Variants in SLC22A23 observed in about 807,000 individuals in gnomAD.
SLC22A23 encodes the protein ion transporter protein.
Under a neutral mutation model 61.0 loss-of-function variants are expected in SLC22A23, and 26 were observed. The observed-to-expected ratio is 0.43, with a 90% CI of 0.31 to 0.59. The LOEUF is 0.59. Ranked by LOEUF, SLC22A23 falls within the 20% of genes least tolerant of loss-of-function variation. The probability of loss-of-function intolerance (pLI) is 0.11; values close to 1 mark genes in which losing one functional copy is unlikely to be tolerated. For synonymous variants in SLC22A23, 430 were observed against 413.9 expected, an observed-to-expected ratio of 1.04 and a Z score of -0.47; for missense variants, 796 against 934.7, an observed-to-expected ratio of 0.85 and a Z score of 1.94.
At chr6:3,404,393 A>T (rs1233732220) in intron 3 of SLC22A23, among the ~76,000 whole-genome samples, 2 of 152,182 alleles carry the variant, frequency 1.3e-5, no homozygotes, top group Non-Finnish European at 2.9e-5. Flanking sequence ...TCCATTTTTA[A>T]TATGCAGGTG....
intron 1 of SLC22A23, 47 bp downstream of exon 1, chr6:3,455,859 G>C (rs945141787): frequency 1.4e-6 from 2 of 1,456,818 alleles, no homozygotes; most frequent in African/African-American, 2.8e-5. Context: ...CTTGGACCTC[G>C]GTCTGCAGGG....
At chr6:3,300,009 T>C (rs1761473521) in intron 4 of SLC22A23, among the ~76,000 whole-genome samples, 1 of 127,882 alleles carries the variant, frequency 7.8e-6, no homozygotes, top group African/African-American at 3.3e-5. Flanking sequence ...TTTTTTTTTT[T>C]TTTTTTTTTT....
In SLC22A23 at chr6:3,283,925, C is replaced by T; in HGVS notation, c.1630G>A (p.Gly544Ser). ...DKFSIAFSIV[G>S]MFASHAVGSL... is the part of the protein sequence containing the mutation. ...CCCACCGCATGGGAGGCAAACATGC[C>T]CACGATGGAAAACGCGATGGAAAAT... Residue 544 changes from glycine (G) to serine (S), a missense_variant, in exon 9 of 10, where the codon GGC becomes AGC. By Grantham distance (56) the Gly-to-Ser change is moderately conservative. Transcript: ENST00000406686. 1 of 1,609,778 alleles carries T rather than the reference C, an allele frequency of 6.2e-7. No homozygotes were observed. Among genetic ancestry groups the T allele is most frequent in the Non-Finnish European group, 8.5e-7 (1 of 1,176,400 alleles).
intron 3 of SLC22A23, among the ~76,000 whole-genome samples, chr6:3,404,014 T>C (rs1403080587): frequency 1.3e-5 from 2 of 152,136 alleles, no homozygotes; most frequent in East Asian, 1.9e-4. Flanking sequence ...GTTCCCCTTT[T>C]AGAGTAGTGA....
At chr6:3,337,196 G>A (rs181908902) in intron 3 of SLC22A23, among the ~76,000 whole-genome samples, 1 of 152,360 alleles carries the variant, frequency 6.6e-6, no homozygotes, top group Non-Finnish European at 1.5e-5. Flanking sequence ...CACAAATGCA[G>A]AGTTCCTCAG....
At chr6:3,444,675 T>A (rs1426001430) in intron 1 of SLC22A23, 3 of 566,336 alleles carry the variant, frequency 5.3e-6, no homozygotes. Context: ...GGCTTTCTGA[T>A]CCCGGCCTCT....
At position 3,329,902 on chromosome 6, in the gene SLC22A23, C is replaced by T. The variant is rs893530292; in HGVS notation, c.914-5900G>A. 2.6e-5 allele frequency among the ~76,000 whole-genome samples: 4 copies of T among 152,212 alleles called. No homozygotes were observed. Among genetic ancestry groups the T allele is most frequent in the African/African-American group, 2.4e-5 (1 of 41,456 alleles). ...GTGAGACGGGCTCAGGAAAGGACAGCGTCTGCCCACACTGCTCAGGCTCCT... is the reference window on the plus strand; with the variant it reads ...GTGAGACGGGCTCAGGAAAGGACAGTGTCTGCCCACACTGCTCAGGCTCCT... On this transcript the variant is annotated intron_variant, in intron 3 of 9. Transcript: ENST00000406686. The surrounding 1 kb of genome is among the most constrained non-coding windows in gnomAD (Gnocchi z 4.8).
chr6:3,412,084 G>A (rs1769296979), intron 2 of SLC22A23, among the ~76,000 whole-genome samples: 1 of 152,208 alleles, frequency 6.6e-6, no homozygotes, highest in African/African-American at 2.4e-5. Context: ...GATGGGCACA[G>A]ATGCAACGCC....
chr6:3,418,030 A>G (rs901603932), intron 1 of SLC22A23, among the ~76,000 whole-genome samples: 1 of 152,262 alleles, frequency 6.6e-6, no homozygotes, highest in East Asian at 1.9e-4. Context: ...AACGTGAGTG[A>G]CAGCTTCATA....
chr6:3,275,338 C>A (rs1301773350), intron 9 of SLC22A23, among the ~76,000 whole-genome samples: 1 of 152,166 alleles, frequency 6.6e-6, no homozygotes, highest in African/African-American at 2.4e-5. Flanking sequence ...AATCTAAGTG[C>A]TTAACTTAGC....
intron 1 of SLC22A23, among the ~76,000 whole-genome samples, chr6:3,448,246 G>A (rs1005528727): frequency 5.9e-5 from 9 of 151,972 alleles, no homozygotes; most frequent in African/African-American, 1.9e-4. Context: ...TCATTAGTGT[G>A]ATAAATGTTT....
chr6:3,323,302 G>A (rs1303813574), intron 4 of SLC22A23: 2 of 456,532 alleles, frequency 4.4e-6, no homozygotes, highest in East Asian at 1.4e-4. Context: ...TAGCCAGAAA[G>A]CAGCCACAGG....
At position 3,322,145 on chromosome 6, in the gene SLC22A23, G is replaced by C. The variant is rs796249009; in HGVS notation, c.1082+1689C>G. Among the ~76,000 whole-genome samples the C allele has an allele frequency of 2.0e-5, 3 of 152,170 alleles. No homozygotes were observed. The highest frequency in any genetic ancestry group is 4.1e-4 in the South Asian group (2 of 4,832). On this transcript the variant is annotated intron_variant, in intron 4 of 9. Coordinates refer to ENST00000406686, the MANE Select transcript of SLC22A23 (RefSeq NM_015482.2). The surrounding 1 kb of genome is among the most constrained non-coding windows in gnomAD (Gnocchi z 4.1). ...GCTTCAGGTCCAGGCTCTGACGTGA[G>C]TCAGCGGGGGTCAGGGGACCGCGGT...
chr6:3,274,120 C>T (rs574975806), intron 9 of SLC22A23, among the ~76,000 whole-genome samples: 3 of 152,328 alleles, frequency 2.0e-5, no homozygotes, highest in Non-Finnish European at 4.4e-5. Flanking sequence ...CATTGATTTC[C>T]ACTCCCTGCC....
intron 9 of SLC22A23, among the ~76,000 whole-genome samples, chr6:3,279,010 G>A (rs796591744): frequency 2.0e-5 from 3 of 152,284 alleles, no homozygotes; most frequent in African/African-American, 7.2e-5. Context: ...CAAAAGCCTT[G>A]CATTGTGCCT....
chr6:3,287,804 C>T (rs1370784581), intron 6 of SLC22A23, among the ~76,000 whole-genome samples: 1 of 152,070 alleles, frequency 6.6e-6, no homozygotes, highest in Non-Finnish European at 1.5e-5. Context: ...CTGCTTCAGC[C>T]TCCCAAGTAG....
At chr6:3,292,805 G>A (rs77890030) in intron 5 of SLC22A23, among the ~76,000 whole-genome samples, 4,488 of 152,342 alleles carry the variant, frequency 0.029, 134 homozygotes, top group African/African-American at 0.078. Flanking sequence ...AGGATGAAGC[G>A]CTGCCTTGAG....
chr6:3,420,753 A>C (rs1341643401), intron 1 of SLC22A23, among the ~76,000 whole-genome samples: 1 of 152,254 alleles, frequency 6.6e-6, no homozygotes. Flanking sequence ...TTAAGCGCCC[A>C]CATGATTAAC....
chr6:3,304,333 C>A lies in SLC22A23; in HGVS notation c.1083-6115G>T, dbSNP rs1441949834. On this transcript the variant is annotated intron_variant, in intron 4 of 9. Transcript: ENST00000406686. This position sits in a 1 kb window ranked among gnomAD's most constrained non-coding sequence, Gnocchi z 4.3. Reference sequence around the variant, plus strand: ...ACTTTGGATACCTAAAAACTGACAACAACCAATAAATGTCTTTATGAGAAG... The same window carrying A: ...ACTTTGGATACCTAAAAACTGACAAAAACCAATAAATGTCTTTATGAGAAG... Among the ~76,000 whole-genome samples the A allele has an allele frequency of 1.3e-5, 2 of 152,216 alleles. No individual in the cohort carries two copies. Among genetic ancestry groups the A allele is most frequent in the Non-Finnish European group, 2.9e-5 (2 of 68,030 alleles).
Sources: allele counts gnomAD v4.1 joint callset (sites outside exome capture counted in the v4.1 genomes callset), GRCh38; gene constraint gnomAD v4.1.1; non-coding constraint Gnocchi (gnomAD v3.1); transcripts MANE v1.5; gene names NCBI Gene and HGNC (gene_info 2026-07-23, HGNC 2026-07-21).